The following AFF3 variants were observed in gnomAD, a reference collection of about 807,000 sequenced individuals.
AFF3 encodes AF4/FMR2 family member 3.
A neutral mutation model predicts 129.7 loss-of-function variants in AFF3; 32 were observed. The ratio of observed to expected loss-of-function variants is 0.25; its 90% CI spans 0.19 to 0.33. The LOEUF (loss-of-function observed/expected upper bound fraction) is 0.33, where lower values mean the gene tolerates loss of function less well. Ranked by LOEUF, AFF3 falls within the 10% of genes least tolerant of loss-of-function variation. The pLI is 1.00. For missense variants in AFF3, 1,373 were observed against 1,592.0 expected (o/e 0.86, Z 2.34); for synonymous variants, 644 against 635.4 (o/e 1.01, Z -0.20).
intron 13 of AFF3, among the ~76,000 whole-genome samples, chr2:99,634,205 G>A (rs1683402414): frequency 6.6e-6 from 1 of 152,152 alleles, no homozygotes; most frequent in Non-Finnish European, 1.5e-5. Flanking sequence ...ACTGTCCCAG[G>A]CCACATCTTT....
chr2:99,868,016 C>CTTTTT (rs531223035), intron 7 of AFF3, among the ~76,000 whole-genome samples: 2 of 136,164 alleles, frequency 1.5e-5, no homozygotes. Flanking sequence ...CTCTTTCTTT[C>CTTTTT]CTTTTTTTTT....
chr2:99,582,695 G>C, intron 17 of AFF3, 103 bp downstream of exon 17: 1 of 1,274,016 alleles, frequency 7.8e-7, no homozygotes, highest in Non-Finnish European at 1.1e-6. Context: ...GAATTCTCAA[G>C]GGACCTCAAG....
At chr2:100,040,038 T>C (rs1685292577) in intron 4 of AFF3, among the ~76,000 whole-genome samples, 1 of 152,212 alleles carries the variant, frequency 6.6e-6, no homozygotes, top group South Asian at 2.1e-4. Flanking sequence ...TGCAATCATC[T>C]GCCTCAGCAT....
At chr2:100,111,109 A>G (rs1275613601) in intron 2 of AFF3, among the ~76,000 whole-genome samples, 2 of 152,182 alleles carry the variant, frequency 1.3e-5, no homozygotes, top group African/African-American at 4.8e-5. Context: ...ACTGCTTCAT[A>G]TAACCCTACC....
intron 7 of AFF3, among the ~76,000 whole-genome samples, chr2:99,903,491 G>A (rs112601917): frequency 2.0e-5 from 3 of 152,292 alleles, no homozygotes; most frequent in African/African-American, 7.2e-5. Context: ...TTAAAGAGCA[G>A]TAGTTGCTTT....
intron 8 of AFF3, among the ~76,000 whole-genome samples, chr2:99,819,624 T>C (rs1173769085): frequency 6.6e-6 from 1 of 152,244 alleles, no homozygotes; most frequent in Non-Finnish European, 1.5e-5. Flanking sequence ...TATCCAGCAA[T>C]AGATGTAACA....
At chr2:100,119,794 G>T (rs1239569624) in intron 2 of AFF3, among the ~76,000 whole-genome samples, 1 of 152,182 alleles carries the variant, frequency 6.6e-6, no homozygotes, top group Admixed American at 6.5e-5. Context: ...CGGAGTCTGT[G>T]TGCTCCCCCA....
At chr2:99,602,272 T>C (rs1679909327) in intron 13 of AFF3, among the ~76,000 whole-genome samples, 1 of 152,184 alleles carries the variant, frequency 6.6e-6, no homozygotes, top group South Asian at 2.1e-4. Flanking sequence ...TTTGAGCCCT[T>C]TCCTAGAGAA....
chr2:99,575,872 A>G (rs1325160383), intron 18 of AFF3, among the ~76,000 whole-genome samples: 1 of 152,184 alleles, frequency 6.6e-6, no homozygotes, highest in Non-Finnish European at 1.5e-5. Flanking sequence ...ACAAGATTAT[A>G]TTAGTTTCAG....
intron 13 of AFF3, among the ~76,000 whole-genome samples, chr2:99,621,419 T>C (rs1390568858): frequency 6.6e-6 from 1 of 152,222 alleles, no homozygotes; most frequent in African/African-American, 2.4e-5. Flanking sequence ...CTTAACTTGC[T>C]GTATATAAAG....
At chr2:99,794,944 T>C (rs1035868472) in intron 8 of AFF3, among the ~76,000 whole-genome samples, 1 of 152,178 alleles carries the variant, frequency 6.6e-6, no homozygotes, top group Non-Finnish European at 1.5e-5. Context: ...ATTTATTACT[T>C]CATAAGAAGA....
chr2:99,896,068 CAAAAAAAA>C lies in AFF3; in HGVS notation c.874-58552_874-58545del, dbSNP rs58471464. On this transcript the variant is annotated intron_variant, in intron 7 of 24. Transcript: ENST00000672756. ...TGAGTGACAGAGTGAGACTCCTTCT[CAAAAAAAA>C]AAAAAAAAAAAAAAAAGCTATCTCA... Among the ~76,000 whole-genome samples the C allele has an allele frequency of 1.6e-3, 102 of 63,086 alleles. 1 individual carries two copies. The highest frequency in any genetic ancestry group is 6.1e-3 in the African/African-American group (99 of 16,318). The allele number at this position is 63,086 out of a possible 152,430, so 41.4% of individuals were successfully genotyped here. A position where few individuals can be genotyped will look rare whatever the true frequency, so the allele number is the denominator to read the frequency against.
chr2:99,837,816 G>A (rs1689007289), intron 7 of AFF3, among the ~76,000 whole-genome samples: 1 of 152,046 alleles, frequency 6.6e-6, no homozygotes, highest in Non-Finnish European at 1.5e-5. Context: ...GGTACAGAAC[G>A]TGACCTGCAG....
intron 9 of AFF3, among the ~76,000 whole-genome samples, chr2:99,750,949 T>A (rs1411900691): frequency 6.6e-6 from 1 of 152,232 alleles, no homozygotes; most frequent in Non-Finnish European, 1.5e-5. Flanking sequence ...AGAAAATCTC[T>A]ATATATTCAC....
chr2:99,647,480 C>G (rs1037726259), intron 13 of AFF3, among the ~76,000 whole-genome samples: 8 of 152,056 alleles, frequency 5.3e-5, no homozygotes, highest in Admixed American at 2.6e-4. Flanking sequence ...CTGGGTCCTG[C>G]CGGTGAGGTG....
intron 4 of AFF3, among the ~76,000 whole-genome samples, chr2:100,061,857 A>AGGGG (rs11370065): frequency 2.7e-4 from 26 of 97,334 alleles, no homozygotes; most frequent in African/African-American, 7.6e-4. Context: ...AGCACAGTGG[A>AGGGG]GGGGGGGGGG....
chr2:99,798,705 A>T (rs1685722076), intron 8 of AFF3, among the ~76,000 whole-genome samples: 1 of 152,034 alleles, frequency 6.6e-6, no homozygotes. Context: ...AGGGATAAAG[A>T]AGTTTATATC....
rs557728999 is a variant in AFF3 at position 99,690,777 on chromosome 2, A to ATTT, written c.1092-18191_1092-18189dup. ...AAAAGTATACTAACCCAAGGTAAGA[A>ATTT]TTTTTTTTTTTTCAAAAAAAGAAAA... On this transcript the variant is annotated intron_variant, in intron 11 of 24. Transcript: ENST00000672756. 7.4e-5 allele frequency among the ~76,000 whole-genome samples: 11 copies of ATTT among 148,812 alleles called. No homozygotes were observed. The East Asian group carries it at 2.0e-3, about 27-fold the overall frequency.
In AFF3 at chr2:99,741,511, A is replaced by T. The variant is rs1446155512; in HGVS notation, c.1039+2593T>A. ...AAAATACCTAGGAATCCAACTTACA[A>T]GGGACGTGAAGGACCTCTTCAAGGA... On this transcript the variant is annotated intron_variant, in intron 10 of 24. Coordinates refer to ENST00000672756, the MANE Select transcript of AFF3 (RefSeq NM_001386135.1). 2.0e-5 allele frequency among the ~76,000 whole-genome samples: 3 copies of T among 152,238 alleles called. No individual in the cohort carries two copies. In the East Asian group the frequency reaches 5.8e-4, roughly 29 times the overall value.
Sources: allele counts gnomAD v4.1 joint callset (sites outside exome capture counted in the v4.1 genomes callset), GRCh38; gene constraint gnomAD v4.1.1; transcripts MANE v1.5; gene names NCBI Gene and HGNC (gene_info 2026-07-23, HGNC 2026-07-21).